Variants in ZNF804B observed in about 807,000 individuals in gnomAD.
The protein encoded by ZNF804B is zinc finger protein 804B.
A neutral mutation model predicts 101.4 loss-of-function variants in ZNF804B; 80 were observed. The ratio of observed to expected loss-of-function variants is 0.79; its 90% CI spans 0.66 to 0.95. The LOEUF (loss-of-function observed/expected upper bound fraction) is 0.95. Ranked by LOEUF, ZNF804B falls within the 40% of genes least tolerant of loss-of-function variation. The probability of loss-of-function intolerance (pLI) is 0.00; values close to 1 mark genes in which losing one functional copy is unlikely to be tolerated. For missense variants in ZNF804B, 1,673 were observed against 1,561.9 expected, an observed-to-expected ratio of 1.07 and a Z score of -1.20; for synonymous variants, 622 against 558.8, an observed-to-expected ratio of 1.11 and a Z score of -1.59.
Position 88,856,378 on chromosome 7 carries a change from G to C in ZNF804B, c.108+96294G>C, listed in dbSNP as rs183607195. The stretch of plus-strand genomic sequence containing the variant: ...ATTCTCTTTGAAGCAACTGTGAATG[G>C]GAGTTCACTCATGATTTGGCTCTCT... On this transcript the variant is annotated intron_variant, in intron 1 of 3. Transcript: ENST00000333190. Among the ~76,000 whole-genome samples the C allele has an allele frequency of 5.8e-3, 879 of 152,168 alleles. 3 individuals are homozygous for C. Among genetic ancestry groups the C allele is most frequent in the Middle Eastern group, 0.01 (3 of 294 alleles).
intron 1 of ZNF804B, among the ~76,000 whole-genome samples, chr7:88,797,908 T>C (rs1003993427): frequency 3.3e-5 from 5 of 152,158 alleles, no homozygotes; most frequent in Admixed American, 2.0e-4. Flanking sequence ...ACAAGATTGT[T>C]AACTCACCTT....
At chr7:89,113,629 T>A (rs1790255170) in intron 1 of ZNF804B, among the ~76,000 whole-genome samples, 1 of 152,092 alleles carries the variant, frequency 6.6e-6, no homozygotes, top group South Asian at 2.1e-4. Flanking sequence ...TATTTATATA[T>A]TGAGGGCAAA....
chr7:88,798,334 C>G (rs190255530), intron 1 of ZNF804B, among the ~76,000 whole-genome samples: 133 of 152,118 alleles, frequency 8.7e-4, no homozygotes, highest in African/African-American at 2.8e-3. Flanking sequence ...CATATAAACT[C>G]TATAGAAAAT....
chr7:88,913,312 T>TA (rs1187059090), intron 1 of ZNF804B, among the ~76,000 whole-genome samples: 1 of 152,222 alleles, frequency 6.6e-6, no homozygotes, highest in Non-Finnish European at 1.5e-5. Flanking sequence ...CCTTATTACT[T>TA]AAATTCAAAT....
intron 1 of ZNF804B, among the ~76,000 whole-genome samples, chr7:89,200,208 G>T (rs1197328240): frequency 6.6e-6 from 1 of 151,736 alleles, no homozygotes; most frequent in African/African-American, 2.4e-5. Flanking sequence ...CAACCCAAAT[G>T]CTCTTTACTC....
intron 1 of ZNF804B, among the ~76,000 whole-genome samples, chr7:88,821,098 G>T (rs982436870): frequency 6.6e-6 from 1 of 152,162 alleles, no homozygotes; most frequent in Non-Finnish European, 1.5e-5. Context: ...CCTACAGAAG[G>T]TGGTTTAGGG....
chr7:88,864,886 A>T (rs980716953), intron 1 of ZNF804B, among the ~76,000 whole-genome samples: 1 of 152,130 alleles, frequency 6.6e-6, no homozygotes, highest in Non-Finnish European at 1.5e-5. Context: ...TGACTAATAA[A>T]ATCTGCAAAC....
chr7:88,876,502 T>C (rs1196693491), intron 1 of ZNF804B, among the ~76,000 whole-genome samples: 1 of 152,200 alleles, frequency 6.6e-6, no homozygotes, highest in Non-Finnish European at 1.5e-5. Flanking sequence ...TGTCATTTAT[T>C]CAGTTACCAA....
At chr7:89,034,235 G>T (rs994386559) in intron 1 of ZNF804B, among the ~76,000 whole-genome samples, 13 of 152,146 alleles carry the variant, frequency 8.5e-5, no homozygotes, top group Non-Finnish European at 1.9e-4. Context: ...TTAGAAAGAA[G>T]ACTTTTTTTG....
intron 1 of ZNF804B, among the ~76,000 whole-genome samples, chr7:88,865,105 G>A (rs1020350468): frequency 6.6e-6 from 1 of 151,696 alleles, no homozygotes; most frequent in African/African-American, 2.4e-5. Context: ...ACCCATGCCT[G>A]TAATCCCAGC....
At chr7:88,870,400 A>AAAAAAG (rs1554341924) in intron 1 of ZNF804B, among the ~76,000 whole-genome samples, 7 of 112,674 alleles carry the variant, frequency 6.2e-5, no homozygotes, top group African/African-American at 2.0e-4. Context: ...AAAAAAAAAA[A>AAAAAAG]AAAAAAAGGT....
intron 1 of ZNF804B, among the ~76,000 whole-genome samples, chr7:89,054,741 AGAG>A (rs1789265365): frequency 1.3e-5 from 2 of 152,072 alleles, no homozygotes; most frequent in Admixed American, 6.6e-5. Flanking sequence ...GAGTGGAGGA[AGAG>A]GAGGTAGTCA....
At chr7:89,126,741 A>T (rs1332535107) in intron 1 of ZNF804B, among the ~76,000 whole-genome samples, 2 of 151,772 alleles carry the variant, frequency 1.3e-5, no homozygotes, top group Non-Finnish European at 2.9e-5. Flanking sequence ...TTCTTTATTT[A>T]TCAACCTTTT....
At chr7:88,849,309 TGAGTA>T (rs1223834727) in intron 1 of ZNF804B, among the ~76,000 whole-genome samples, 1 of 152,070 alleles carries the variant, frequency 6.6e-6, no homozygotes, top group Admixed American at 6.6e-5. Context: ...AGATCAAAAC[TGAGTA>T]GAAGGAAAGG....
intron 1 of ZNF804B, among the ~76,000 whole-genome samples, chr7:89,185,260 C>G (rs1439629100): frequency 2.0e-5 from 3 of 152,110 alleles, no homozygotes; most frequent in Non-Finnish European, 4.4e-5. Context: ...TTGATTTGGA[C>G]TTTGAAGGAA....
At chr7:88,804,964 A>G (rs1790662100) in intron 1 of ZNF804B, among the ~76,000 whole-genome samples, 1 of 152,202 alleles carries the variant, frequency 6.6e-6, no homozygotes, top group South Asian at 2.1e-4. Context: ...TACTCATGAA[A>G]TACTAAAACA....
At chr7:88,819,117 T>C (rs1790933303) in intron 1 of ZNF804B, among the ~76,000 whole-genome samples, 1 of 151,922 alleles carries the variant, frequency 6.6e-6, no homozygotes, top group Non-Finnish European at 1.5e-5. Flanking sequence ...CCACATTTTC[T>C]TTTTTTTGTT....
chr7:89,024,448 G>A (rs929426948), intron 1 of ZNF804B, among the ~76,000 whole-genome samples: 1 of 151,924 alleles, frequency 6.6e-6, no homozygotes, highest in Non-Finnish European at 1.5e-5. Context: ...TATTGGCATC[G>A]GAGTAAAATG....
intron 1 of ZNF804B, among the ~76,000 whole-genome samples, chr7:88,827,896 G>C (rs992258147): frequency 6.6e-6 from 1 of 152,044 alleles, no homozygotes; most frequent in African/African-American, 2.4e-5. Context: ...TGAAACTGGA[G>C]CCTTTTCTAG....
Sources: allele counts gnomAD v4.1 joint callset (sites outside exome capture counted in the v4.1 genomes callset), GRCh38; gene constraint gnomAD v4.1.1; transcripts MANE v1.5; gene names NCBI Gene and HGNC (gene_info 2026-07-23, HGNC 2026-07-21).